The following GMEB2 variants were observed in gnomAD, a reference collection of about 807,000 sequenced individuals.
GMEB2 encodes glucocorticoid modulatory element-binding protein 2.
A neutral mutation model predicts 45.7 loss-of-function variants in GMEB2; 7 were observed. The observed-to-expected ratio is 0.15, with a 90% CI of 0.09 to 0.29. GMEB2 has a LOEUF of 0.29. Ranked by LOEUF, GMEB2 falls within the 10% of genes least tolerant of loss-of-function variation. The probability of loss-of-function intolerance (pLI) is 1.00; values close to 1 mark genes in which losing one functional copy is unlikely to be tolerated. For missense variants in GMEB2, 582 were observed against 739.2 expected (o/e 0.79, Z 2.47); for synonymous variants, 322 against 323.6 (o/e 1.00, Z 0.05).
At chr20:63,590,760 G>T in intron 9 of GMEB2, 31 bp from the exon 10 acceptor site, 1 of 1,405,006 alleles carries the variant, frequency 7.1e-7, no homozygotes, top group Non-Finnish European at 9.5e-7. Context: ...CATCACACAG[G>T]GGACGGGGGC....
rs2083170601 is a variant in GMEB2, at chr20:63,593,648, G to A, written c.620-566C>T. ...TGTGGGTCCCTCTCTCGCGCCTGCA[G>A]AACACAACTGGGCGTGTCGTTCATA... On this transcript the variant is annotated intron_variant, in intron 6 of 9. Coordinates refer to ENST00000370077, the MANE Select transcript of GMEB2 (RefSeq NM_012384.5). This position sits in a 1 kb window ranked among gnomAD's most constrained non-coding sequence, Gnocchi z 4.7. Among the ~76,000 whole-genome samples the A allele has an allele frequency of 1.3e-5, 2 of 152,140 alleles. No individual in the cohort carries two copies. Among genetic ancestry groups the A allele is most frequent in the African/African-American group, 4.8e-5 (2 of 41,402 alleles).
chr20:63,604,200 GAAA>G (rs35469694), intron 3 of GMEB2, among the ~76,000 whole-genome samples: 18 of 118,958 alleles, frequency 1.5e-4, no homozygotes, highest in African/African-American at 3.3e-4. Flanking sequence ...CCTATTTCTT[GAAA>G]AAAAAAAAAA....
chr20:63,597,395 G>A (rs576700872), intron 5 of GMEB2, among the ~76,000 whole-genome samples: 98 of 151,946 alleles, frequency 6.4e-4, no homozygotes, highest in Non-Finnish European at 1.3e-3. Flanking sequence ...AACTCTTGGC[G>A]TCAAGTGATC....
At chr20:63,603,116 G>A in intron 3 of GMEB2, 24 bp from the exon 4 acceptor site, 15 of 1,613,132 alleles carry the variant, frequency 9.3e-6, no homozygotes, top group Non-Finnish European at 1.3e-5. Flanking sequence ...CATTGACAGG[G>A]AAGGGTAAAA....
At position 63,590,102 on chromosome 20, in the gene GMEB2, T is replaced by C; in HGVS notation, c.1580A>G (p.His527Arg). 1 of 1,511,368 alleles carries C rather than the reference T, an allele frequency of 6.6e-7. No homozygotes were observed. Among genetic ancestry groups the C allele is most frequent in the Non-Finnish European group, 8.8e-7 (1 of 1,129,984 alleles). 93.6% of individuals were successfully genotyped at this position (1,511,368 alleles called of 1,614,324 possible). A position where few individuals can be genotyped will look rare whatever the true frequency, so the allele number is the denominator to read the frequency against. Residue 527 changes from histidine to arginine, a missense_variant, in exon 10 of 10, where the codon CAC becomes CGC. By Grantham distance (29) the His-to-Arg change is conservative. Transcript: ENST00000370077. Reference protein sequence around the residue: ...TIEVAAMAEDHERK With the variant: ...TIEVAAMAEDRERK The stretch of plus-strand genomic sequence containing the variant: ...CCCTCCTGTCGGCTACTTCCGCTCG[T>C]GGTCCTCTGCCATGGCAGCCACCTC...
rs766893109 is a variant in GMEB2, at chr20:63,595,622, C to T, written c.607G>A (p.Ala203Thr). The change falls in exon 6 of 10, where the codon GCC (alanine) becomes ACC (threonine). Residue 203 changes from alanine to threonine, a missense_variant. Transcript: ENST00000370077. Reference protein sequence around the residue: ...TSAEYIPLTPAAADVNGSPAT... With the variant: ...TSAEYIPLTPTAADVNGSPAT... ...CCTGTGCACCTACCGTCGGCTGCGG[C>T]GGGCGTGAGGGGAATGTACTCGGCC... 8 of 1,609,194 alleles carry T rather than the reference C, an allele frequency of 5.0e-6. No individual in the cohort carries two copies. Among genetic ancestry groups the T allele is most frequent in the East Asian group, 4.5e-5 (2 of 44,608 alleles).
Position 63,623,546 on chromosome 20 carries a change from C to T in GMEB2, c.-58+3410G>A, listed in dbSNP as rs1326242874. On this transcript the variant is annotated intron_variant, in intron 1 of 9. Transcript: ENST00000370077. ...GGGCGCGGTGGCTCACACTTGTAAT[C>T]CCAGCACTTTGGGAGGCCGCGGCGG... Among the ~76,000 whole-genome samples, 10 of 152,140 alleles carry T rather than the reference C, an allele frequency of 6.6e-5. No individual in the cohort carries two copies. The East Asian group carries it at 1.7e-3, about 26-fold the overall frequency.
Position 63,592,292 on chromosome 20 carries a change from CACT to C in GMEB2, c.830-151_830-149del. On this transcript the variant is annotated intron_variant, in intron 8 of 9. Coordinates refer to ENST00000370077, the MANE Select transcript of GMEB2 (RefSeq NM_012384.5). This position sits in a 1 kb window ranked among gnomAD's most constrained non-coding sequence, Gnocchi z 8.2. ...TCTTCCTAGAGAGTGAGAACACCAC[CACT>C]GAGGCTGCTCCTCAGGAACCCAGCC... 1.3e-6 allele frequency: 1 copy of C among 775,308 alleles called. No homozygotes were observed. The highest frequency in any genetic ancestry group is 2.0e-6 in the Non-Finnish European group (1 of 488,960). 48.0% of individuals were successfully genotyped at this position (775,308 alleles called of 1,614,324 possible). A position where few individuals can be genotyped will look rare whatever the true frequency, so the allele number is the denominator to read the frequency against.
rs948635955 is a variant in GMEB2 at position 63,602,227 on chromosome 20, T to C, written c.357+738A>G. 6.6e-5 allele frequency among the ~76,000 whole-genome samples: 10 copies of C among 152,222 alleles called. No individual in the cohort carries two copies. In the East Asian group the frequency reaches 1.9e-3, roughly 29 times the overall value. ...GATAACGACACTCTCAGCTTGAGGC[T>C]TTCAGACCATCCAGACCACCTATGA... On this transcript the variant is annotated intron_variant, in intron 4 of 9. Transcript: ENST00000370077.
chr20:63,606,374 G>A lies in GMEB2; in HGVS notation c.132-1534C>T, dbSNP rs1447169816. On this transcript the variant is annotated intron_variant, in intron 2 of 9. Transcript: ENST00000370077. ...TTTTTTTTTTTTTTTTTGAGACGGA[G>A]TCTCGCTCTGTCGCTCAGGCTGGAG... Among the ~76,000 whole-genome samples the A allele has an allele frequency of 2.8e-5, 4 of 141,460 alleles. No individual in the cohort carries two copies. In the East Asian group the frequency reaches 8.0e-4, roughly 28 times the overall value. 92.8% of individuals were successfully genotyped at this position (141,460 alleles called of 152,430 possible).
At position 63,612,843 on chromosome 20, in the gene GMEB2, A is replaced by C. The variant is rs908296159; in HGVS notation, c.131+6424T>G. Among the ~76,000 whole-genome samples the C allele has an allele frequency of 4.6e-5, 7 of 152,352 alleles. 1 individual carries two copies. The South Asian group carries it at 1.0e-3, about 23-fold the overall frequency. Reference sequence around the variant, plus strand: ...GTCCTTGCCAAGCTGTCAGCTGACGACAGGGGTTGGTGAGGCCGGCCCAGA... The same window carrying C: ...GTCCTTGCCAAGCTGTCAGCTGACGCCAGGGGTTGGTGAGGCCGGCCCAGA... On this transcript the variant is annotated intron_variant, in intron 2 of 9. Transcript: ENST00000370077.
At position 63,589,179 on chromosome 20, in the gene GMEB2, T is replaced by C. The variant is rs1301103455; in HGVS notation, c.*910A>G. On this transcript the variant is annotated 3_prime_UTR_variant, in exon 10 of 10. Transcript: ENST00000370077. ...TGCCTCTGCCCCAGGACTGAAGCCC[T>C]AGGGACACACCTCATGGATCTCAGA... is the stretch of plus-strand genomic sequence containing the variant. 1.5e-5 allele frequency: 6 copies of C among 399,152 alleles called. No individual in the cohort carries two copies. The highest frequency in any genetic ancestry group is 3.5e-5 in the East Asian group (1 of 28,192). The allele number at this position is 399,152 out of a possible 1,614,324, so 24.7% of individuals were successfully genotyped here.
intron 1 of GMEB2, among the ~76,000 whole-genome samples, chr20:63,625,347 A>G (rs919246359): frequency 1.1e-4 from 16 of 151,582 alleles, no homozygotes; most frequent in African/African-American, 3.4e-4. Flanking sequence ...TAATTTTTGC[A>G]TTTTTGGTAG....
Position 63,592,812 on chromosome 20 carries a change from C to T in GMEB2, c.692-142G>A. The T allele has an allele frequency of 1.2e-6, 1 of 807,256 alleles. No homozygotes were observed. The highest frequency in any genetic ancestry group is 2.1e-6 in the Non-Finnish European group (1 of 472,430). 50.0% of individuals were successfully genotyped at this position (807,256 alleles called of 1,614,324 possible). A position where few individuals can be genotyped will look rare whatever the true frequency, so the allele number is the denominator to read the frequency against. On this transcript the variant is annotated intron_variant, in intron 7 of 9. Transcript: ENST00000370077. This position sits in a 1 kb window ranked among gnomAD's most constrained non-coding sequence, Gnocchi z 8.2. The stretch of plus-strand genomic sequence containing the variant: ...CTGGCACTGTGCTGGGCTTGCACTG[C>T]CCAGACACATCCACAGTGCCAAAAT...
chr20:63,594,851 C>T (rs369891674), intron 6 of GMEB2, among the ~76,000 whole-genome samples: 15 of 152,250 alleles, frequency 9.9e-5, no homozygotes, highest in African/African-American at 2.9e-4. Context: ...TGGGTTCAAG[C>T]GATTCTCCTG....
intron 2 of GMEB2, among the ~76,000 whole-genome samples, chr20:63,617,996 T>C (rs1430472066): frequency 6.8e-6 from 1 of 146,054 alleles, no homozygotes; most frequent in Non-Finnish European, 1.5e-5. Context: ...ACACTACTCA[T>C]TGCAGGCCAT....
Position 63,595,755 on chromosome 20 carries a change from G to C in GMEB2, c.474C>G (p.Asp158Glu). 1 of 1,613,992 alleles carries C rather than the reference G, an allele frequency of 6.2e-7. No individual in the cohort carries two copies. Among genetic ancestry groups the C allele is most frequent in the Non-Finnish European group, 8.5e-7 (1 of 1,179,872 alleles). Residue 158 changes from aspartate (D) to glutamate (E), a missense_variant, in exon 6 of 10, where the codon GAC (aspartate) becomes GAG (glutamate). Coordinates refer to ENST00000370077, the MANE Select transcript of GMEB2 (RefSeq NM_012384.5). Reference sequence around the variant, plus strand: ...GCTGGTAGAAGTCCAGTTCCCCGGAGTCCATGATCTTCCTGTGACAGACAG... The same window carrying C: ...GCTGGTAGAAGTCCAGTTCCCCGGACTCCATGATCTTCCTGTGACAGACAG... Reference protein sequence around the residue: ...MNGIMLRKIMDSGELDFYQHD... With the variant: ...MNGIMLRKIMESGELDFYQHD...
Position 63,597,855 on chromosome 20 carries a change from G to T in GMEB2, c.363C>A (p.Asp121Glu). 6.3e-7 allele frequency: 1 copy of T among 1,584,960 alleles called. No individual in the cohort carries two copies. Among genetic ancestry groups the T allele is most frequent in the Non-Finnish European group, 8.7e-7 (1 of 1,153,698 alleles). ...PGINVKCVQYDEHVISPKEFV... is the reference protein window; with the variant it reads ...PGINVKCVQYEEHVISPKEFV... ...ATTCCTTTGGGCTGATTACATGCTCGTCGTACTGTGGGGGACACAGTCATG... is the reference window on the plus strand; with the variant it reads ...ATTCCTTTGGGCTGATTACATGCTCTTCGTACTGTGGGGGACACAGTCATG... The change falls in exon 5 of 10, where the codon GAC becomes GAA. Residue 121 changes from aspartate to glutamate, a missense_variant. Physicochemically the swap from Asp to Glu is conservative, Grantham distance 45 (BLOSUM62 2). Coordinates refer to ENST00000370077, the MANE Select transcript of GMEB2 (RefSeq NM_012384.5).
At chr20:63,615,461 G>A (rs1030426199) in intron 2 of GMEB2, among the ~76,000 whole-genome samples, 1 of 151,656 alleles carries the variant, frequency 6.6e-6, no homozygotes, top group African/African-American at 2.4e-5. Flanking sequence ...CATGCAGCTG[G>A]GACCATAGGT....
Sources: gnomAD v4.1 joint callset for allele counts (sites outside exome capture counted in the v4.1 genomes callset) on GRCh38, gnomAD v4.1.1 for gene constraint, Gnocchi (gnomAD v3.1) non-coding constraint, MANE v1.5 for transcripts, NCBI Gene and HGNC (gene_info 2026-07-23, HGNC 2026-07-21) for gene names.